The following SV2B variants were observed in gnomAD, a reference collection of about 807,000 sequenced individuals.
SV2B encodes the protein synaptic vesicle glycoprotein 2B.
SV2B carries 41 observed loss-of-function variants against 73.9 expected under a neutral mutation model. The observed-to-expected ratio is 0.56, with a 90% CI of 0.43 to 0.72. The LOEUF is 0.72. Ranked by LOEUF, SV2B falls within the 30% of genes least tolerant of loss-of-function variation. SV2B has a pLI of 0.00. For missense variants in SV2B, 764 were observed against 857.8 expected (o/e 0.89, Z 1.37); for synonymous variants, 314 against 314.2 (o/e 1.00, Z 0.01).
chr15:91,150,641 C>T (rs1030156032), intron 1 of SV2B, among the ~76,000 whole-genome samples: 2 of 152,224 alleles, frequency 1.3e-5, no homozygotes, highest in African/African-American at 2.4e-5. Flanking sequence ...ATTTCTGCCC[C>T]AGTGTCTGCT....
At position 91,118,730 on chromosome 15, in the gene SV2B, A is replaced by T. The variant is rs1303216416; in HGVS notation, c.-392+18367A>T. ...GCCACCACATCAGACAGCCCAGTCC[A>T]AACCAGAGCCATGCCAGGGAGGGAC... On this transcript the variant is annotated intron_variant, in intron 1 of 12. Coordinates refer to ENST00000394232, the MANE Select transcript of SV2B (RefSeq NM_001323032.3). The surrounding 1 kb of genome is among the most constrained non-coding windows in gnomAD (Gnocchi z 4.7). Among the ~76,000 whole-genome samples, 2 of 152,204 alleles carry T rather than the reference A, an allele frequency of 1.3e-5. No homozygotes were observed. The highest frequency in any genetic ancestry group is 2.9e-5 in the Non-Finnish European group (2 of 68,040).
chr15:91,273,044 G>A (rs1323614207), intron 9 of SV2B, among the ~76,000 whole-genome samples: 1 of 151,986 alleles, frequency 6.6e-6, no homozygotes, highest in Admixed American at 6.6e-5. Context: ...TGTTTGCCAG[G>A]CTGGTCTCGA....
chr15:91,152,249 C>A (rs1327440222), intron 1 of SV2B, among the ~76,000 whole-genome samples: 1 of 152,076 alleles, frequency 6.6e-6, no homozygotes, highest in Non-Finnish European at 1.5e-5. Context: ...TTTTCCAGAA[C>A]TTGTGAATAG....
In SV2B at chr15:91,100,413, G is replaced by C. The variant is rs992551967; in HGVS notation, c.-392+50G>C. On this transcript the variant is annotated intron_variant, in intron 1 of 12. Transcript: ENST00000394232. This position sits in a 1 kb window ranked among gnomAD's most constrained non-coding sequence, Gnocchi z 6.4. ...GGTGCAACCGACCCAGCCGGGGCGC[G>C]GACCCCGCGTGCGCCAGGGCTCCCA... 1 of 152,340 alleles carries C rather than the reference G, an allele frequency of 6.6e-6. No individual in the cohort carries two copies. Among genetic ancestry groups the C allele is most frequent in the Non-Finnish European group, 1.5e-5 (1 of 68,114 alleles). The allele number at this position is 152,340 out of a possible 1,614,324, so 9.4% of individuals were successfully genotyped here.
intron 1 of SV2B, among the ~76,000 whole-genome samples, chr15:91,173,844 T>C (rs1051892500): frequency 6.6e-6 from 1 of 152,196 alleles, no homozygotes; most frequent in African/African-American, 2.4e-5. Context: ...TCTCAGATCT[T>C]GTCATCCTCT....
chr15:91,251,894 G>A lies in SV2B; in HGVS notation c.527G>A (p.Arg176Gln), dbSNP rs79725910. 7.7e-4 allele frequency: 1,244 copies of A among 1,614,126 alleles called. 17 individuals carry two copies. The East Asian group carries it at 0.022, about 29-fold the overall frequency. ...GGLADKLGRK[R>Q]VLSMSLAVNA... ...CTGGCTGATAAGCTGGGAAGGAAGC[G>A]AGTCCTCAGCATGTCTCTGGCCGTC... The change falls in exon 3 of 13, where the codon CGA becomes CAA. Residue 176 changes from arginine (R) to glutamine (Q), a missense_variant. By Grantham distance (43) the Arg-to-Gln change is conservative (BLOSUM62 1). Transcript: ENST00000394232.
At chr15:91,173,744 G>C (rs938115910) in intron 1 of SV2B, among the ~76,000 whole-genome samples, 4 of 152,176 alleles carry the variant, frequency 2.6e-5, no homozygotes, top group Admixed American at 1.3e-4. Flanking sequence ...ATGCAGGAAA[G>C]AATAGGTGAA....
chr15:91,239,633 G>C lies in SV2B; in HGVS notation c.452-12186G>C, dbSNP rs1269519400. Among the ~76,000 whole-genome samples the C allele has an allele frequency of 3.3e-5, 5 of 152,048 alleles. No individual in the cohort carries two copies. The highest frequency in any genetic ancestry group is 5.9e-5 in the Non-Finnish European group (4 of 68,006). On this transcript the variant is annotated intron_variant, in intron 2 of 12. Coordinates refer to ENST00000394232, the MANE Select transcript of SV2B (RefSeq NM_001323032.3). This position sits in a 1 kb window ranked among gnomAD's most constrained non-coding sequence, Gnocchi z 5.1. Reference sequence around the variant, plus strand: ...GTCTTGCTGTTTGCTTGTGAGGGATGATTATTTAAACCAATCAGATAGAGT... The same window carrying C: ...GTCTTGCTGTTTGCTTGTGAGGGATCATTATTTAAACCAATCAGATAGAGT...
At position 91,253,679 on chromosome 15, in the gene SV2B, C is replaced by T. The variant is rs1390769558; in HGVS notation, c.784+1159C>T. ...TCATTCTGTCATCTTCAACCTACAG[C>T]TTACAAGGTCTCCGGTTTGGGGAAA... On this transcript the variant is annotated intron_variant, in intron 4 of 12. Transcript: ENST00000394232. This position sits in a 1 kb window ranked among gnomAD's most constrained non-coding sequence, Gnocchi z 5.0. Among the ~76,000 whole-genome samples, 1 of 152,230 alleles carries T rather than the reference C, an allele frequency of 6.6e-6. No individual in the cohort carries two copies. Among genetic ancestry groups the T allele is most frequent in the African/African-American group, 2.4e-5 (1 of 41,462 alleles).
chr15:91,247,549 A>G (rs1023499537), intron 2 of SV2B, among the ~76,000 whole-genome samples: 1 of 152,138 alleles, frequency 6.6e-6, no homozygotes, highest in African/African-American at 2.4e-5. Context: ...ATAACTTAGA[A>G]TCTTGAAAAG....
chr15:91,260,533 C>A, intron 6 of SV2B, 124 bp downstream of exon 6: 1 of 632,056 alleles, frequency 1.6e-6, no homozygotes, highest in Non-Finnish European at 2.6e-6. Context: ...TCTGATATTG[C>A]TGTTACTTTA....
At position 91,290,300 on chromosome 15, in the gene SV2B, A is replaced by G. The variant is rs2048998902; in HGVS notation, c.1868+620A>G. Among the ~76,000 whole-genome samples the G allele has an allele frequency of 6.6e-6, 1 of 152,184 alleles. No homozygotes were observed. Among genetic ancestry groups the G allele is most frequent in the Non-Finnish European group, 1.5e-5 (1 of 68,034 alleles). On this transcript the variant is annotated intron_variant, in intron 12 of 12. Transcript: ENST00000394232. The surrounding 1 kb of genome is among the most constrained non-coding windows in gnomAD (Gnocchi z 4.7). ...TGTGAAGAGGTAAGGAAGGTGGGTA[A>G]ATGAAATTCTGCAAAAACCTTAATG...
intron 1 of SV2B, among the ~76,000 whole-genome samples, chr15:91,179,464 C>T (rs1013523228): frequency 4.1e-4 from 62 of 152,046 alleles, no homozygotes; most frequent in Admixed American, 1.3e-3. Context: ...CTTTCTGTCT[C>T]GTTGATCTGT....
At chr15:91,282,596 C>T (rs2048718342) in intron 10 of SV2B, among the ~76,000 whole-genome samples, 1 of 152,098 alleles carries the variant, frequency 6.6e-6, no homozygotes, top group Admixed American at 6.5e-5. Context: ...GAAATCAAGA[C>T]TTAAGCAACT....
chr15:91,279,987 G>C (rs1346450722), intron 9 of SV2B, among the ~76,000 whole-genome samples: 1 of 152,166 alleles, frequency 6.6e-6, no homozygotes, highest in East Asian at 1.9e-4. Context: ...TGGTTTTCTA[G>C]ACCAATGATT....
At chr15:91,186,905 A>G (rs747647247) in intron 1 of SV2B, among the ~76,000 whole-genome samples, 1 of 152,244 alleles carries the variant, frequency 6.6e-6, no homozygotes, top group Non-Finnish European at 1.5e-5. Flanking sequence ...GAATGCTTAC[A>G]TTTTTCTTAA....
chr15:91,226,787 A>G, intron 2 of SV2B, 73 bp downstream of exon 2: 12 of 1,509,106 alleles, frequency 8.0e-6, no homozygotes, highest in East Asian at 2.3e-5. Flanking sequence ...ATCTGTCACT[A>G]TTAGGCACTT....
rs541010800 is a variant in SV2B at position 91,137,468 on chromosome 15, T to G, written c.-392+37105T>G. Among the ~76,000 whole-genome samples the G allele has an allele frequency of 4.6e-5, 7 of 151,698 alleles. No homozygotes were observed. Among genetic ancestry groups the G allele is most frequent in the Admixed American group, 3.9e-4 (6 of 15,200 alleles). On this transcript the variant is annotated intron_variant, in intron 1 of 12. Coordinates refer to ENST00000394232, the MANE Select transcript of SV2B (RefSeq NM_001323032.3). This position sits in a 1 kb window ranked among gnomAD's most constrained non-coding sequence, Gnocchi z 4.9. ...CTAGTGAGTAACTGTGTGTCAGGCA[T>G]GAGGTGGAAGACAAATTACATGTAT...
chr15:91,155,677 C>A (rs2043464401), intron 1 of SV2B, among the ~76,000 whole-genome samples: 1 of 152,048 alleles, frequency 6.6e-6, no homozygotes, highest in African/African-American at 2.4e-5. Flanking sequence ...CAGGAGGATG[C>A]CCTACTCCCT....
Sources: gnomAD v4.1 joint callset for allele counts (sites outside exome capture counted in the v4.1 genomes callset) on GRCh38, gnomAD v4.1.1 for gene constraint, Gnocchi (gnomAD v3.1) non-coding constraint, MANE v1.5 for transcripts, NCBI Gene and HGNC (gene_info 2026-07-23, HGNC 2026-07-21) for gene names.